PPP2R2C: variants seen among roughly 807,000 people sequenced by gnomAD.
The protein encoded by PPP2R2C is protein phosphatase 2 regulatory subunit Bgamma.
PPP2R2C carries 10 observed loss-of-function variants against 45.3 expected under a neutral mutation model. The ratio of observed to expected loss-of-function variants is 0.22; its 90% CI spans 0.14 to 0.37. The LOEUF (loss-of-function observed/expected upper bound fraction) is 0.37. Among genes scored for constraint, PPP2R2C ranks in the 10% least tolerant of loss-of-function variants. The pLI, the probability that PPP2R2C is intolerant of heterozygous loss-of-function variation, is 1.00. For synonymous variants in PPP2R2C, 257 were observed against 245.4 expected (o/e 1.05, Z -0.44); for missense variants, 308 against 619.7 (o/e 0.50, Z 5.34).
intron 1 of PPP2R2C, among the ~76,000 whole-genome samples, chr4:6,561,083 C>T (rs1366222333): frequency 4.6e-5 from 7 of 152,340 alleles, no homozygotes; most frequent in East Asian, 3.9e-4. Context: ...ACTGTGTGTT[C>T]GGTGGGCAGT....
intron 1 of PPP2R2C, among the ~76,000 whole-genome samples, chr4:6,464,764 C>T (rs985087830): frequency 4.6e-5 from 7 of 151,998 alleles, no homozygotes; most frequent in African/African-American, 1.5e-4. Context: ...GTGTGGAATT[C>T]CTTCTGAAGA....
intron 5 of PPP2R2C, among the ~76,000 whole-genome samples, chr4:6,356,089 T>C (rs1164823260): frequency 6.7e-6 from 1 of 150,350 alleles, no homozygotes; most frequent in East Asian, 2.0e-4. Flanking sequence ...AACTTGTTCC[T>C]ACACTGCTTC....
chr4:6,398,186 G>T, intron 1 of PPP2R2C, among the ~76,000 whole-genome samples: 1 of 152,140 alleles, frequency 6.6e-6, no homozygotes, highest in East Asian at 1.9e-4. Flanking sequence ...CATTATAGAA[G>T]AAACTCCTTG....
intron 1 of PPP2R2C, among the ~76,000 whole-genome samples, chr4:6,416,372 C>T (rs1298981771): frequency 6.6e-6 from 1 of 152,190 alleles, no homozygotes; most frequent in East Asian, 1.9e-4. Flanking sequence ...CCAGGTCTGA[C>T]TCAAGGCCTC....
intron 3 of PPP2R2C, among the ~76,000 whole-genome samples, chr4:6,377,909 G>A (rs6446496): frequency 0.97 from 147,187 of 152,274 alleles, 71,175 homozygotes; most frequent in East Asian, 1. Context: ...GAGGCCGGCC[G>A]GGGTCCTAAA....
chr4:6,529,463 C>G (rs1361115825), intron 2 of PPP2R2C, among the ~76,000 whole-genome samples: 1 of 152,224 alleles, frequency 6.6e-6, no homozygotes, highest in Non-Finnish European at 1.5e-5. Flanking sequence ...ACGTATCAAC[C>G]ATTAGCCTCC....
chr4:6,439,852 T>A (rs952202852), intron 1 of PPP2R2C, among the ~76,000 whole-genome samples: 2 of 152,212 alleles, frequency 1.3e-5, no homozygotes, highest in African/African-American at 4.8e-5. Flanking sequence ...AGCTGGAGCT[T>A]AGCCCACCCC....
At chr4:6,521,564 G>A (rs565127575) in intron 2 of PPP2R2C, among the ~76,000 whole-genome samples, 10 of 152,152 alleles carry the variant, frequency 6.6e-5, no homozygotes, top group African/African-American at 9.7e-5. Context: ...ATCTCCCTGC[G>A]TATGCACTTC....
intron 2 of PPP2R2C, among the ~76,000 whole-genome samples, chr4:6,481,978 CAAAAAAAAAAAAAAA>C (rs59905632): frequency 2.5e-5 from 2 of 81,152 alleles, no homozygotes; most frequent in African/African-American, 5.2e-5. Context: ...GACTCCGTCT[CAAAAAAAAAAAAAAA>C]AAAAAAAAAA....
At chr4:6,528,128 G>A (rs966093085) in intron 2 of PPP2R2C, among the ~76,000 whole-genome samples, 13 of 152,260 alleles carry the variant, frequency 8.5e-5, no homozygotes, top group South Asian at 2.1e-4. Flanking sequence ...AAACTGGCCC[G>A]TGTTTTCAGG....
chr4:6,473,896 C>A (rs1722042340), upstream of PPP2R2C, among the ~76,000 whole-genome samples: 1 of 152,202 alleles, frequency 6.6e-6, no homozygotes, highest in African/African-American at 2.4e-5. Flanking sequence ...CCCCCAGCAG[C>A]CCCACCAGCA....
intron 5 of PPP2R2C, among the ~76,000 whole-genome samples, chr4:6,363,511 A>G (rs1348739651): frequency 2.0e-5 from 3 of 152,132 alleles, no homozygotes; most frequent in Middle Eastern, 3.4e-3. Flanking sequence ...CCTGGGAGGC[A>G]GAGATTGCAG....
chr4:6,333,643 G>A lies in PPP2R2C; in HGVS notation c.879C>T (p.Gly293=), dbSNP rs1288931959. The A allele has an allele frequency of 2.5e-6, 4 of 1,614,182 alleles. No individual in the cohort carries two copies. The highest frequency in any genetic ancestry group is 1.7e-5 in the Admixed American group (1 of 60,026). The change falls in exon 7 of 9, where the codon GGC becomes GGT. Residue 293 remains glycine (G), a synonymous_variant. Coordinates refer to ENST00000382599, the MANE Select transcript of PPP2R2C (RefSeq NM_020416.4). ...GGTAGTCCCGGGTGAGCATGTAGCGGCCGCTGTGGCTGAACTTCACGTCGG... is the reference window on the plus strand; with the variant it reads ...GGTAGTCCCGGGTGAGCATGTAGCGACCGCTGTGGCTGAACTTCACGTCGG... The part of the protein sequence containing the change: ...SVSDVKFSHS[G]RYMLTRDYLT...
intron 1 of PPP2R2C, among the ~76,000 whole-genome samples, chr4:6,416,876 CCT>C (rs1436389697): frequency 2.6e-5 from 4 of 152,218 alleles, no homozygotes; most frequent in Non-Finnish European, 4.4e-5. Context: ...CTCCCTTCCC[CCT>C]GTCGGGGGGA....
intron 7 of PPP2R2C, among the ~76,000 whole-genome samples, chr4:6,333,121 CAT>C (rs1159674952): frequency 3.3e-5 from 5 of 152,370 alleles, no homozygotes; most frequent in East Asian, 3.9e-4. Context: ...GGAAAGGAAA[CAT>C]GTGCTCAGTT....
intron 6 of PPP2R2C, among the ~76,000 whole-genome samples, chr4:6,335,330 T>G (rs1012972016): frequency 2.6e-5 from 4 of 152,080 alleles, no homozygotes; most frequent in African/African-American, 9.7e-5. Flanking sequence ...TGGGAGGTGC[T>G]GTTTGACCAA....
At chr4:6,374,787 C>T (rs894757275) in intron 4 of PPP2R2C, among the ~76,000 whole-genome samples, 20 of 152,136 alleles carry the variant, frequency 1.3e-4, no homozygotes, top group South Asian at 1.0e-3. Flanking sequence ...AGGGCTAGCC[C>T]GGGGCCTAGC....
chr4:6,427,995 C>G (rs953977551), intron 1 of PPP2R2C, among the ~76,000 whole-genome samples: 2 of 152,220 alleles, frequency 1.3e-5, no homozygotes, highest in African/African-American at 2.4e-5. Flanking sequence ...ACGAGCTAGA[C>G]AGCAGAACAG....
At chr4:6,348,083 C>T in intron 5 of PPP2R2C, 73 bp from the exon 6 acceptor site, 1 of 1,558,074 alleles carries the variant, frequency 6.4e-7, no homozygotes, top group Non-Finnish European at 8.8e-7. Context: ...AGGTTTCTGA[C>T]ACCTCTCCCG....
Sources: allele counts gnomAD v4.1 joint callset (sites outside exome capture counted in the v4.1 genomes callset), GRCh38; gene constraint gnomAD v4.1.1; transcripts MANE v1.5; gene names NCBI Gene and HGNC (gene_info 2026-07-23, HGNC 2026-07-21).